Variants in MEI4 observed in about 807,000 individuals in gnomAD.
The protein encoded by MEI4 is meiosis-specific protein MEI4.
Under a neutral mutation model 31.4 loss-of-function variants are expected in MEI4, and 27 were observed. The ratio of observed to expected loss-of-function variants is 0.86; its 90% CI spans 0.63 to 1.19. The LOEUF is 1.19. Among genes scored for constraint, MEI4 ranks in the 50% most tolerant of loss-of-function variants. The pLI, the probability that MEI4 is intolerant of heterozygous loss-of-function variation, is 0.00. For missense variants in MEI4, 329 were observed against 398.9 expected, an observed-to-expected ratio of 0.82 and a Z score of 1.49; for synonymous variants, 122 against 145.4, an observed-to-expected ratio of 0.84 and a Z score of 1.16.
At chr6:77,776,268 C>T (rs1370372265) in intron 3 of MEI4, among the ~76,000 whole-genome samples, 1 of 151,646 alleles carries the variant, frequency 6.6e-6, no homozygotes, top group Non-Finnish European at 1.5e-5. Context: ...ATGTGGATAT[C>T]TTTTGAGGGC....
At chr6:77,783,905 A>G (rs1413855072) in intron 3 of MEI4, among the ~76,000 whole-genome samples, 8 of 151,938 alleles carry the variant, frequency 5.3e-5, no homozygotes, top group Admixed American at 4.6e-4. Context: ...GCCAGAAGAT[A>G]CGTTCCTTGG....
chr6:77,741,630 T>A (rs73457494), intron 2 of MEI4, among the ~76,000 whole-genome samples: 2,909 of 152,256 alleles, frequency 0.019, 66 homozygotes, highest in East Asian at 0.089. Context: ...TTTTAATTTT[T>A]ATTTTTAATT....
Position 77,836,657 on chromosome 6 carries a change from T to A in MEI4, c.900+7595T>A, listed in dbSNP as rs943081277. On this transcript the variant is annotated intron_variant, in intron 4 of 4. Transcript: ENST00000684080. ...ATCAAGGCAAAATATAGCAACAAAA[T>A]AAGCATTTTTAATAAGATAAAGAAA... is the stretch of plus-strand genomic sequence containing the variant. Among the ~76,000 whole-genome samples the A allele has an allele frequency of 3.3e-5, 5 of 151,996 alleles. No individual in the cohort carries two copies. The East Asian group carries it at 9.6e-4, about 29-fold the overall frequency.
In MEI4 at chr6:77,779,823, TTTGAGAG is replaced by T. The variant is rs201139021; in HGVS notation, c.768+18161_768+18167del. 7.6e-4 allele frequency among the ~76,000 whole-genome samples: 116 copies of T among 152,292 alleles called. 3 individuals are homozygous for T. The East Asian group carries it at 0.019, about 25-fold the overall frequency. On this transcript the variant is annotated intron_variant, in intron 3 of 4. Transcript: ENST00000684080. ...GATGGCTGTGGTTGTTCATGTTCAT[TTTGAGAG>T]TTAACACTTTAAAATAAGCACTATT...
chr6:77,747,172 C>T (rs1767633056), intron 2 of MEI4, among the ~76,000 whole-genome samples: 1 of 151,978 alleles, frequency 6.6e-6, no homozygotes, highest in Non-Finnish European at 1.5e-5. Flanking sequence ...ATTAACTGGG[C>T]ATGGTGGCAC....
intron 2 of MEI4, among the ~76,000 whole-genome samples, chr6:77,728,632 C>A (rs1766888457): frequency 6.6e-6 from 1 of 152,170 alleles, no homozygotes; most frequent in African/African-American, 2.4e-5. Context: ...AGCAGGGCCA[C>A]TAATTTAGAC....
Position 77,820,146 on chromosome 6 carries a change from AG to A in MEI4, c.769-8784del, listed in dbSNP as rs1191024654. Among the ~76,000 whole-genome samples, 1 of 152,214 alleles carries A rather than the reference AG, an allele frequency of 6.6e-6. No individual in the cohort carries two copies. The highest frequency in any genetic ancestry group is 1.9e-4 in the East Asian group (1 of 5,196). ...GATAGAAACGAAACTGAAATATAAA[AG>A]TAAGTATTTTAAAACTTTAAAATAA... On this transcript the variant is annotated intron_variant, in intron 3 of 4. Transcript: ENST00000684080. The surrounding 1 kb of genome is among the most constrained non-coding windows in gnomAD (Gnocchi z 4.5).
At chr6:77,850,730 G>C (rs1770597231) in intron 4 of MEI4, among the ~76,000 whole-genome samples, 1 of 152,110 alleles carries the variant, frequency 6.6e-6, no homozygotes, top group African/African-American at 2.4e-5. Context: ...GCATGGGCAA[G>C]GACTTCATGT....
chr6:77,802,090 AT>A (rs1480597352), intron 3 of MEI4, among the ~76,000 whole-genome samples: 1 of 152,010 alleles, frequency 6.6e-6, no homozygotes, highest in Non-Finnish European at 1.5e-5. Flanking sequence ...TCCCATTATT[AT>A]TGTATGGGAG....
At chr6:77,822,080 C>T (rs1039345012) in intron 3 of MEI4, among the ~76,000 whole-genome samples, 3 of 152,010 alleles carry the variant, frequency 2.0e-5, no homozygotes, top group African/African-American at 7.2e-5. Flanking sequence ...TTATATTTTT[C>T]TTTTTCTTTT....
rs1298548583 is a variant in MEI4 at position 77,923,521 on chromosome 6, A to G, written c.*175A>G. ...TAAATTGTATGAAATTTTATGAGTC[A>G]TATTTCTATACTAAAATCAGCCAGT... On this transcript the variant is annotated 3_prime_UTR_variant, in exon 5 of 5. Transcript: ENST00000684080. The G allele has an allele frequency of 1.9e-6, 1 of 538,454 alleles. No individual in the cohort carries two copies. The highest frequency in any genetic ancestry group is 2.0e-5 in the African/African-American group (1 of 50,446). 33.4% of individuals were successfully genotyped at this position (538,454 alleles called of 1,614,324 possible). A position where few individuals can be genotyped will look rare whatever the true frequency, so the allele number is the denominator to read the frequency against.
intron 1 of MEI4, among the ~76,000 whole-genome samples, chr6:77,667,089 A>G (rs62418196): frequency 0.25 from 37,766 of 152,194 alleles, 5,606 homozygotes; most frequent in Non-Finnish European, 0.33. Flanking sequence ...ACCACTTGTT[A>G]ACTGCATAGT....
intron 2 of MEI4, among the ~76,000 whole-genome samples, chr6:77,732,228 A>G (rs1767022811): frequency 2.0e-5 from 3 of 151,764 alleles, no homozygotes; most frequent in African/African-American, 2.4e-5. Context: ...CAGTATGGCC[A>G]TTTTCACGAT....
At chr6:77,864,714 C>T (rs2127722611) in intron 4 of MEI4, among the ~76,000 whole-genome samples, 1 of 152,252 alleles carries the variant, frequency 6.6e-6, no homozygotes, top group Non-Finnish European at 1.5e-5. Flanking sequence ...TTGAATTCAG[C>T]TCTGCACTAA....
At chr6:77,854,639 T>A (rs1160367318) in intron 4 of MEI4, among the ~76,000 whole-genome samples, 1 of 152,190 alleles carries the variant, frequency 6.6e-6, no homozygotes, top group Non-Finnish European at 1.5e-5. Flanking sequence ...GAGCTATATG[T>A]AGACACCATT....
chr6:77,704,730 A>C (rs546057864), intron 2 of MEI4, among the ~76,000 whole-genome samples: 3 of 152,200 alleles, frequency 2.0e-5, no homozygotes, highest in Non-Finnish European at 4.4e-5. Context: ...CAGGGAGCAT[A>C]ATAAAAAAAT....
intron 4 of MEI4, among the ~76,000 whole-genome samples, chr6:77,831,863 C>T (rs193099449): frequency 6.0e-4 from 91 of 151,932 alleles, no homozygotes; most frequent in African/African-American, 2.1e-3. Context: ...TTAATTATAA[C>T]TAAATTGTAG....
At chr6:77,861,148 A>G (rs1290450196) in intron 4 of MEI4, among the ~76,000 whole-genome samples, 4 of 152,178 alleles carry the variant, frequency 2.6e-5, no homozygotes, top group Non-Finnish European at 1.5e-5. Context: ...TCACTGTAGC[A>G]CAATCTCCAT....
upstream of MEI4, among the ~76,000 whole-genome samples, chr6:77,650,502 G>T (rs1008939454): frequency 6.6e-6 from 1 of 152,336 alleles, no homozygotes; most frequent in African/African-American, 2.4e-5. Context: ...CGCCCCTGGG[G>T]ATGGCGCAGA....
Sources: allele counts gnomAD v4.1 joint callset (sites outside exome capture counted in the v4.1 genomes callset), GRCh38; gene constraint gnomAD v4.1.1; non-coding constraint Gnocchi (gnomAD v3.1); transcripts MANE v1.5; gene names NCBI Gene and HGNC (gene_info 2026-07-23, HGNC 2026-07-21).